Variants in NRXN1 observed in about 807,000 individuals in gnomAD.
NRXN1 encodes neurexin 1.
A neutral mutation model predicts 150.9 loss-of-function variants in NRXN1; 39 were observed. That is an observed-to-expected ratio of 0.26 (90% CI 0.20 to 0.34). The LOEUF is 0.34. Among genes scored for constraint, NRXN1 ranks in the 10% least tolerant of loss-of-function variants. The pLI is 1.00. For missense variants in NRXN1, 1,815 were observed against 1,949.9 expected (o/e 0.93, Z 1.30); for synonymous variants, 924 against 757.0 (o/e 1.22, Z -3.62).
intron 2 of NRXN1, among the ~76,000 whole-genome samples, chr2:50,940,784 A>C (rs1207936694): frequency 1.3e-5 from 2 of 152,176 alleles, no homozygotes; most frequent in Non-Finnish European, 2.9e-5. Flanking sequence ...TTAAAATACA[A>C]GGGGAAAAAT....
chr2:50,573,725 G>A (rs987525590), intron 8 of NRXN1, among the ~76,000 whole-genome samples: 8 of 147,272 alleles, frequency 5.4e-5, no homozygotes, highest in South Asian at 4.3e-4. Context: ...TGCCAACAGC[G>A]GATGGAAGAT....
chr2:49,988,968 C>A (rs1681441198), intron 21 of NRXN1, among the ~76,000 whole-genome samples: 1 of 152,190 alleles, frequency 6.6e-6, no homozygotes, highest in Non-Finnish European at 1.5e-5. Flanking sequence ...TGTTCATATG[C>A]ATGTACAGTG....
chr2:50,182,407 C>T (rs530743645), intron 18 of NRXN1, among the ~76,000 whole-genome samples: 2 of 152,114 alleles, frequency 1.3e-5, no homozygotes, highest in South Asian at 4.2e-4. Flanking sequence ...GAATGGCTCC[C>T]ACGTTTTGGA....
intron 5 of NRXN1, among the ~76,000 whole-genome samples, chr2:50,891,431 G>T (rs1414437850): frequency 6.6e-6 from 1 of 151,942 alleles, no homozygotes; most frequent in Non-Finnish European, 1.5e-5. Context: ...GACATAAATG[G>T]AATTGTTCTG....
chr2:50,007,978 C>A lies in NRXN1; in HGVS notation c.4128+45293G>T, dbSNP rs117321894. Among the ~76,000 whole-genome samples, 1,208 of 152,226 alleles carry A rather than the reference C, an allele frequency of 7.9e-3. 43 individuals carry two copies. The highest frequency in any genetic ancestry group is 0.054 in the Admixed American group (818 of 15,276). ...TGTGAAAGTTCACCATTCTAAGTAACCAGTCCTGGCTTTGTTATGAAATTT... is the reference window on the plus strand; with the variant it reads ...TGTGAAAGTTCACCATTCTAAGTAAACAGTCCTGGCTTTGTTATGAAATTT... On this transcript the variant is annotated intron_variant, in intron 21 of 22. Transcript: ENST00000401669.
intron 17 of NRXN1, among the ~76,000 whole-genome samples, chr2:50,424,359 G>A (rs1161634287): frequency 1.4e-5 from 2 of 140,732 alleles, no homozygotes; most frequent in South Asian, 2.2e-4. Flanking sequence ...ATAAATTTTG[G>A]GAGAGAAACA....
At chr2:50,386,151 A>T (rs754736643) in intron 17 of NRXN1, among the ~76,000 whole-genome samples, 5 of 152,096 alleles carry the variant, frequency 3.3e-5, no homozygotes, top group Non-Finnish European at 5.9e-5. Flanking sequence ...TTAACAAGTC[A>T]TTCATTATTG....
At chr2:50,852,071 TG>T (rs962097673) in intron 5 of NRXN1, among the ~76,000 whole-genome samples, 5 of 152,140 alleles carry the variant, frequency 3.3e-5, no homozygotes, top group Non-Finnish European at 7.4e-5. Context: ...GAAGGCCAGA[TG>T]GTTGTTGCCA....
At chr2:50,559,424 T>C (rs1398621247) in intron 8 of NRXN1, among the ~76,000 whole-genome samples, 1 of 152,222 alleles carries the variant, frequency 6.6e-6, no homozygotes, top group East Asian at 1.9e-4. Context: ...ACACGCACTT[T>C]TTAGACACGT....
At chr2:50,787,314 C>T (rs577856918) in intron 5 of NRXN1, among the ~76,000 whole-genome samples, 7 of 152,108 alleles carry the variant, frequency 4.6e-5, no homozygotes, top group African/African-American at 1.4e-4. Flanking sequence ...AATCCCAACA[C>T]TTTGGGAGGC....
intron 22 of NRXN1, among the ~76,000 whole-genome samples, chr2:49,937,645 C>G (rs1423917316): frequency 6.6e-6 from 1 of 152,186 alleles, no homozygotes; most frequent in Non-Finnish European, 1.5e-5. Context: ...GCTGGGCCCT[C>G]AGCGCTGATT....
intron 17 of NRXN1, among the ~76,000 whole-genome samples, chr2:50,264,639 G>A (rs925385936): frequency 6.6e-6 from 1 of 151,980 alleles, no homozygotes; most frequent in Admixed American, 6.6e-5. Flanking sequence ...TCCAGCACAA[G>A]GATGATCTCC....
intron 5 of NRXN1, among the ~76,000 whole-genome samples, chr2:50,733,422 C>T (rs1698343184): frequency 1.3e-5 from 2 of 152,036 alleles, no homozygotes; most frequent in Admixed American, 1.3e-4. Context: ...AAACAAAAAA[C>T]AACCTTCCTA....
intron 17 of NRXN1, among the ~76,000 whole-genome samples, chr2:50,343,861 A>G (rs181925388): frequency 1.0e-3 from 158 of 152,334 alleles, no homozygotes; most frequent in African/African-American, 3.6e-3. Context: ...ATGAAAGAAA[A>G]TGTCTTACGA....
chr2:50,304,743 A>G (rs1236577937), intron 17 of NRXN1, among the ~76,000 whole-genome samples: 1 of 152,166 alleles, frequency 6.6e-6, no homozygotes, highest in African/African-American at 2.4e-5. Context: ...AATGGGAAGC[A>G]TCTATCACAG....
At chr2:50,265,879 G>C (rs904851179) in intron 17 of NRXN1, among the ~76,000 whole-genome samples, 1 of 151,898 alleles carries the variant, frequency 6.6e-6, no homozygotes, top group African/African-American at 2.4e-5. Context: ...ATCTTCAAAT[G>C]CAAGAGAGGA....
chr2:50,952,761 C>T (rs1691606840), intron 2 of NRXN1, among the ~76,000 whole-genome samples: 1 of 152,170 alleles, frequency 6.6e-6, no homozygotes, highest in African/African-American at 2.4e-5. Context: ...AGTCTAGCTG[C>T]TGTTTTTTCT....
intron 22 of NRXN1, among the ~76,000 whole-genome samples, chr2:49,928,438 C>T (rs1669504632): frequency 6.6e-6 from 1 of 152,048 alleles, no homozygotes. Flanking sequence ...GAGTTCTATA[C>T]TGTGTCTAAT....
chr2:50,864,606 A>AC (rs1254813085), intron 5 of NRXN1, among the ~76,000 whole-genome samples: 1 of 151,882 alleles, frequency 6.6e-6, no homozygotes, highest in Non-Finnish European at 1.5e-5. Flanking sequence ...AGAACCCACA[A>AC]CCCCCCATAA....
Sources: allele counts gnomAD v4.1 joint callset (sites outside exome capture counted in the v4.1 genomes callset), GRCh38; gene constraint gnomAD v4.1.1; transcripts MANE v1.5; gene names NCBI Gene and HGNC (gene_info 2026-07-23, HGNC 2026-07-21).